Variants in CLEC16A observed in about 807,000 individuals in gnomAD.
The protein encoded by CLEC16A is C-type lectin domain containing 16A.
A neutral mutation model predicts 109.5 loss-of-function variants in CLEC16A; 51 were observed. That is an observed-to-expected ratio of 0.47 (90% CI 0.37 to 0.59). The LOEUF is 0.59. Ranked by LOEUF, CLEC16A falls within the 20% of genes least tolerant of loss-of-function variation. CLEC16A has a pLI of 0.00. For synonymous variants in CLEC16A, 673 were observed against 564.2 expected (o/e 1.19, Z -2.73); for missense variants, 1,339 against 1,394.0 (o/e 0.96, Z 0.63).
chr16:11,048,007 C>T (rs1316566089), intron 17 of CLEC16A: 1 of 152,242 alleles, frequency 6.6e-6, no homozygotes, highest in Non-Finnish European at 1.5e-5. Flanking sequence ...CATGGTTCTG[C>T]CCTTGACACG....
At position 10,954,182 on chromosome 16, in the gene CLEC16A, C is replaced by T. The variant is rs1003816870; in HGVS notation, c.81-3600C>T. On this transcript the variant is annotated intron_variant, in intron 1 of 23. Transcript: ENST00000409790. This position sits in a 1 kb window ranked among gnomAD's most constrained non-coding sequence, Gnocchi z 4.2. ...GAGGCCAAGAAACAAATGGAGTTCT[C>T]AGACCTTTCTTCCTGGCCACAGGTC... Among the ~76,000 whole-genome samples the T allele has an allele frequency of 4.6e-5, 7 of 152,046 alleles. No individual in the cohort carries two copies. The highest frequency in any genetic ancestry group is 1.7e-4 in the African/African-American group (7 of 41,422).
chr16:11,112,615 T>C (rs951101239), intron 19 of CLEC16A, among the ~76,000 whole-genome samples: 3 of 151,838 alleles, frequency 2.0e-5, no homozygotes, highest in Non-Finnish European at 4.4e-5. Context: ...CGGTAAGCAA[T>C]GATTGCACCA....
chr16:11,173,273 C>T (rs911157583), intron 23 of CLEC16A, among the ~76,000 whole-genome samples: 4 of 152,110 alleles, frequency 2.6e-5, no homozygotes, highest in Admixed American at 6.5e-5. Context: ...CTACCATTTT[C>T]GCCGTTTTTC....
chr16:11,100,969 A>G (rs968832509), intron 19 of CLEC16A, among the ~76,000 whole-genome samples: 1 of 152,158 alleles, frequency 6.6e-6, no homozygotes, highest in Admixed American at 6.5e-5. Flanking sequence ...TGGCTGCGTG[A>G]GGGCCAGACC....
At chr16:10,999,195 C>G (rs2044512120) in intron 10 of CLEC16A, among the ~76,000 whole-genome samples, 1 of 152,018 alleles carries the variant, frequency 6.6e-6, no homozygotes, top group Non-Finnish European at 1.5e-5. Context: ...TCTCAGCCTC[C>G]CAAAGTGCTG....
intron 19 of CLEC16A, among the ~76,000 whole-genome samples, chr16:11,078,178 C>T (rs915661068): frequency 1.7e-5 from 2 of 120,922 alleles, no homozygotes; most frequent in Admixed American, 9.0e-5. Flanking sequence ...TGTGACCAAG[C>T]GTGAGGGTGG....
intron 19 of CLEC16A, among the ~76,000 whole-genome samples, chr16:11,075,984 C>G (rs1467469036): frequency 3.9e-5 from 6 of 152,182 alleles, no homozygotes; most frequent in Non-Finnish European, 5.9e-5. Context: ...ATCCCTGTGA[C>G]CAAGCTCTTA....
At position 11,027,535 on chromosome 16, in the gene CLEC16A, C is replaced by T. The variant is rs532820163; in HGVS notation, c.1537+2614C>T. On this transcript the variant is annotated intron_variant, in intron 13 of 23. Coordinates refer to ENST00000409790, the MANE Select transcript of CLEC16A (RefSeq NM_015226.3). Reference sequence around the variant, plus strand: ...AAGACCATCCCTCTGACAGACAACACAGTGATTGAGGAGCACCTGGGGAAG... The same window carrying T: ...AAGACCATCCCTCTGACAGACAACATAGTGATTGAGGAGCACCTGGGGAAG... The T allele has an allele frequency of 1.2e-5, 19 of 1,564,110 alleles. No homozygotes were observed. The South Asian group carries it at 2.1e-4, about 17-fold the overall frequency.
rs542737432 is a variant in CLEC16A at position 10,967,446 on chromosome 16, C to T, written c.344-1715C>T. Among the ~76,000 whole-genome samples the T allele has an allele frequency of 2.0e-5, 3 of 152,298 alleles. No homozygotes were observed. In the East Asian group the frequency reaches 5.8e-4, roughly 29 times the overall value. Reference sequence around the variant, plus strand: ...GACAGGTCTCACCCTGTCGCCTAGGCTAGTCTCCAGTGATACGATCATGGC... The same window carrying T: ...GACAGGTCTCACCCTGTCGCCTAGGTTAGTCTCCAGTGATACGATCATGGC... On this transcript the variant is annotated intron_variant, in intron 3 of 23. Transcript: ENST00000409790.
At chr16:11,046,664 T>C (rs1231128010) in intron 16 of CLEC16A, among the ~76,000 whole-genome samples, 1 of 152,180 alleles carries the variant, frequency 6.6e-6, no homozygotes, top group East Asian at 1.9e-4. Flanking sequence ...TAGACAGACA[T>C]GCCATTCATG....
chr16:11,148,060 C>T (rs2054141044), intron 22 of CLEC16A, among the ~76,000 whole-genome samples: 1 of 152,156 alleles, frequency 6.6e-6, no homozygotes, highest in African/African-American at 2.4e-5. Flanking sequence ...GTTTGCATTT[C>T]ATACCTTTCC....
intron 2 of CLEC16A, among the ~76,000 whole-genome samples, chr16:10,958,464 A>G (rs573816612): frequency 1.3e-5 from 2 of 152,300 alleles, no homozygotes; most frequent in South Asian, 4.1e-4. Flanking sequence ...TTCCTAGGTG[A>G]GCAGTCCTCA....
At chr16:11,061,661 C>G (rs1360991605) in intron 19 of CLEC16A, among the ~76,000 whole-genome samples, 3 of 152,230 alleles carry the variant, frequency 2.0e-5, no homozygotes, top group African/African-American at 7.2e-5. Flanking sequence ...CACAGGCACA[C>G]TAATGAGCAG....
chr16:10,966,426 A>G (rs1308699419), intron 3 of CLEC16A, among the ~76,000 whole-genome samples: 1 of 152,196 alleles, frequency 6.6e-6, no homozygotes, highest in African/African-American at 2.4e-5. Flanking sequence ...GGGCAGGGGC[A>G]TGAGGAAGTC....
intron 3 of CLEC16A, among the ~76,000 whole-genome samples, chr16:10,965,936 C>T (rs566232903): frequency 1.8e-4 from 27 of 152,320 alleles, no homozygotes; most frequent in African/African-American, 6.5e-4. Flanking sequence ...ACATCTGAAG[C>T]TCCCAGTATG....
chr16:11,168,124 G>A (rs529471530), intron 23 of CLEC16A, among the ~76,000 whole-genome samples: 2 of 152,280 alleles, frequency 1.3e-5, no homozygotes, highest in South Asian at 2.1e-4. Flanking sequence ...AAGACCCACA[G>A]TATCAAAAAT....
chr16:11,088,089 C>T (rs774148952), intron 19 of CLEC16A, among the ~76,000 whole-genome samples: 193 of 152,242 alleles, frequency 1.3e-3, no homozygotes, highest in Non-Finnish European at 1.7e-3. Flanking sequence ...CTCTCTGTCT[C>T]GAAAGGGGCC....
At position 10,956,312 on chromosome 16, in the gene CLEC16A, CA is replaced by C. The variant is rs141588344; in HGVS notation, c.81-1469del. On this transcript the variant is annotated intron_variant, in intron 1 of 23. Transcript: ENST00000409790. ...AATAAACCCTAGCCCCTTTAAATAG[CA>C]GATTGTTCTTTATTGTTTCATCTTC... Among the ~76,000 whole-genome samples, 244 of 152,308 alleles carry C rather than the reference CA, an allele frequency of 1.6e-3. 3 individuals carry two copies. The highest frequency in any genetic ancestry group is 5.6e-3 in the African/African-American group (231 of 41,552).
At chr16:11,055,456 C>T (rs2048161263) in intron 18 of CLEC16A, among the ~76,000 whole-genome samples, 1 of 151,622 alleles carries the variant, frequency 6.6e-6, no homozygotes, top group South Asian at 2.1e-4. Context: ...CCAAGTGTGG[C>T]ATGTTCAAGG....
Sources: gnomAD v4.1 joint callset for allele counts (sites outside exome capture counted in the v4.1 genomes callset) on GRCh38, gnomAD v4.1.1 for gene constraint, Gnocchi (gnomAD v3.1) non-coding constraint, MANE v1.5 for transcripts, NCBI Gene and HGNC (gene_info 2026-07-23, HGNC 2026-07-21) for gene names.